The following ADAMTS9 variants were observed in gnomAD, a reference collection of about 807,000 sequenced individuals.
ADAMTS9 encodes ADAM metallopeptidase with thrombospondin type 1 motif 9, also known as A disintegrin and metalloproteinase with thrombospondin motifs 9.
ADAMTS9 carries 107 observed loss-of-function variants against 257.1 expected under a neutral mutation model. The observed-to-expected ratio is 0.42, with a 90% CI of 0.36 to 0.49. ADAMTS9 has a LOEUF of 0.49. Ranked by LOEUF, ADAMTS9 falls within the 20% of genes least tolerant of loss-of-function variation. The pLI, the probability that ADAMTS9 is intolerant of heterozygous loss-of-function variation, is 0.03. For synonymous variants in ADAMTS9, 982 were observed against 880.9 expected, an observed-to-expected ratio of 1.11 and a Z score of -2.03; for missense variants, 2,353 against 2,469.1, an observed-to-expected ratio of 0.95 and a Z score of 1.00.
At chr3:64,631,091 A>G (rs1033510874) in intron 16 of ADAMTS9, among the ~76,000 whole-genome samples, 1 of 152,222 alleles carries the variant, frequency 6.6e-6, no homozygotes, top group African/African-American at 2.4e-5. Flanking sequence ...AATGCTTCTA[A>G]TAAAATATTT....
chr3:64,621,286 C>T, intron 18 of ADAMTS9, 46 bp from the exon 19 acceptor site: 1 of 1,570,400 alleles, frequency 6.4e-7, no homozygotes, highest in Admixed American at 1.9e-5. Context: ...ATAATCTATT[C>T]CATAAACTAT....
intron 3 of ADAMTS9, among the ~76,000 whole-genome samples, chr3:64,664,499 C>CTGACA: frequency 6.6e-6 from 1 of 152,154 alleles, no homozygotes; most frequent in African/African-American, 2.4e-5. Context: ...TTTGCCTATT[C>CTGACA]TGACATGTCA....
chr3:64,613,647 T>A, intron 21 of ADAMTS9, 138 bp from the exon 22 acceptor site: 2 of 790,450 alleles, frequency 2.5e-6, no homozygotes, highest in Non-Finnish European at 3.7e-6. Flanking sequence ...GTAAATATAC[T>A]AAGCCTCATT....
intron 16 of ADAMTS9, among the ~76,000 whole-genome samples, chr3:64,629,990 A>T (rs1700328466): frequency 6.6e-6 from 1 of 152,238 alleles, no homozygotes; most frequent in Non-Finnish European, 1.5e-5. Context: ...GCTTAGATTA[A>T]GGGCCTCTAT....
At chr3:64,529,860 C>T (rs886886750) in intron 38 of ADAMTS9, among the ~76,000 whole-genome samples, 4 of 152,070 alleles carry the variant, frequency 2.6e-5, no homozygotes, top group African/African-American at 7.2e-5. Flanking sequence ...ACTCTGTTGC[C>T]CAGGCTGGAG....
intron 38 of ADAMTS9, among the ~76,000 whole-genome samples, chr3:64,527,472 G>T (rs1575979326): frequency 6.6e-6 from 1 of 152,290 alleles, no homozygotes; most frequent in East Asian, 1.9e-4. Flanking sequence ...AGCAAGCTGA[G>T]TTGGGGGTGG....
At chr3:64,536,662 C>A (rs2083053816) in intron 37 of ADAMTS9, among the ~76,000 whole-genome samples, 1 of 152,302 alleles carries the variant, frequency 6.6e-6, no homozygotes, top group Middle Eastern at 3.4e-3. Context: ...ACTCCTTACC[C>A]TCCTCCTCTT....
rs148009364 is a variant in ADAMTS9 at position 64,664,227 on chromosome 3, T to C, written c.680-5436A>G. 8.9e-3 allele frequency among the ~76,000 whole-genome samples: 1,361 copies of C among 152,280 alleles called. 10 individuals are homozygous for C. The highest frequency in any genetic ancestry group is 0.014 in the Non-Finnish European group (968 of 67,994). On this transcript the variant is annotated intron_variant, in intron 3 of 39. Coordinates refer to ENST00000498707, the MANE Select transcript of ADAMTS9 (RefSeq NM_182920.2). Reference sequence around the variant, plus strand: ...AATGGTCTGTGTATTCTTGCTCTTCTTTTTTTCCTCCTACGTAGTTTTACA... The same window carrying C: ...AATGGTCTGTGTATTCTTGCTCTTCCTTTTTTCCTCCTACGTAGTTTTACA...
At chr3:64,595,510 C>G (rs957496843) in intron 27 of ADAMTS9, among the ~76,000 whole-genome samples, 1 of 152,224 alleles carries the variant, frequency 6.6e-6, no homozygotes, top group African/African-American at 2.4e-5. Flanking sequence ...CGTGTACTCT[C>G]CTGGCTTGAA....
At chr3:64,613,031 C>G (rs531434929) in intron 22 of ADAMTS9, among the ~76,000 whole-genome samples, 1 of 152,110 alleles carries the variant, frequency 6.6e-6, no homozygotes, top group Non-Finnish European at 1.5e-5. Context: ...CACAGAGGCA[C>G]GCTAGAAGAT....
At chr3:64,543,250 C>A (rs1420951872) in intron 32 of ADAMTS9, among the ~76,000 whole-genome samples, 1 of 152,158 alleles carries the variant, frequency 6.6e-6, no homozygotes, top group East Asian at 1.9e-4. Context: ...AGAGGGAATC[C>A]TCCCTAACAC....
rs777686718 is a variant in ADAMTS9 at position 64,596,890 on chromosome 3, A to G, written c.4119T>C (p.Asp1373=). Residue 1373 remains aspartate (D), a synonymous_variant, in exon 27 of 40, where the codon GAT becomes GAC. Transcript: ENST00000498707. The part of the protein sequence containing the change: ...ANDCVERIKP[D]EQRACESGPC... ...GGCCGGATTCACAGGCTCTTTGCTC[A>G]TCAGGTTTTATTCTCTCCACACAGT... 1.8e-5 allele frequency: 29 copies of G among 1,614,052 alleles called. No homozygotes were observed. In the East Asian group the frequency reaches 6.5e-4, roughly 36 times the overall value.
chr3:64,632,671 G>A (rs1369631559), intron 14 of ADAMTS9, among the ~76,000 whole-genome samples: 2 of 152,162 alleles, frequency 1.3e-5, no homozygotes, highest in East Asian at 1.9e-4. Flanking sequence ...GTTCATTTGT[G>A]TGAACTAATC....
chr3:64,551,445 G>A (rs1007216947), intron 30 of ADAMTS9, among the ~76,000 whole-genome samples: 4 of 152,098 alleles, frequency 2.6e-5, no homozygotes, highest in East Asian at 1.9e-4. Flanking sequence ...TCCTGACCTC[G>A]TGATCTGCCC....
chr3:64,650,798 C>A, intron 9 of ADAMTS9: 2 of 485,554 alleles, frequency 4.1e-6, no homozygotes, highest in Non-Finnish European at 7.0e-6. Flanking sequence ...AGACTCCAAC[C>A]TTTTCTTTAG....
chr3:64,658,927 G>A, intron 3 of ADAMTS9, 136 bp from the exon 4 acceptor site: 3 of 869,162 alleles, frequency 3.5e-6, no homozygotes, highest in Non-Finnish European at 5.3e-6. Context: ...GGACTCTACA[G>A]ATGCACCTCA....
At chr3:64,575,924 G>A (rs1208960685) in intron 28 of ADAMTS9, among the ~76,000 whole-genome samples, 1 of 152,132 alleles carries the variant, frequency 6.6e-6, no homozygotes, top group Non-Finnish European at 1.5e-5. Flanking sequence ...TAAAAGGTGA[G>A]TTTAAAAAAA....
intron 3 of ADAMTS9, among the ~76,000 whole-genome samples, chr3:64,680,995 G>C (rs1701739805): frequency 6.6e-6 from 1 of 152,156 alleles, no homozygotes; most frequent in African/African-American, 2.4e-5. Flanking sequence ...TAACTTCTTA[G>C]CTGTGCACCT....
intron 39 of ADAMTS9, among the ~76,000 whole-genome samples, chr3:64,517,416 G>T (rs562535123): frequency 0.019 from 1,017 of 52,686 alleles, 26 homozygotes; most frequent in African/African-American, 0.044. Flanking sequence ...ATTAAAAATG[G>T]TTTTTTTTTT....
Sources: allele counts gnomAD v4.1 joint callset (sites outside exome capture counted in the v4.1 genomes callset), GRCh38; gene constraint gnomAD v4.1.1; transcripts MANE v1.5; gene names NCBI Gene and HGNC (gene_info 2026-07-23, HGNC 2026-07-21).